TCF25: variants seen among roughly 807,000 people sequenced by gnomAD.
The protein encoded by TCF25 is ribosome quality control complex subunit TCF25.
A neutral mutation model predicts 83.1 loss-of-function variants in TCF25; 41 were observed. That is an observed-to-expected ratio of 0.49 (90% CI 0.38 to 0.64). The LOEUF is 0.64. TCF25 is among the 30% of genes least tolerant of loss of function. TCF25 has a pLI of 0.00. For synonymous variants in TCF25, 458 were observed against 365.0 expected, an observed-to-expected ratio of 1.25 and a Z score of -2.90; for missense variants, 979 against 914.5, an observed-to-expected ratio of 1.07 and a Z score of -0.91.
intron 5 of TCF25, among the ~76,000 whole-genome samples, chr16:89,891,687 C>T (rs1597322626): frequency 6.6e-6 from 1 of 152,174 alleles, no homozygotes; most frequent in Non-Finnish European, 1.5e-5. Context: ...TGGTTGGTTT[C>T]TTAAGTTGAG....
chr16:89,876,913 A>G (rs2042233105), intron 1 of TCF25, among the ~76,000 whole-genome samples: 1 of 135,316 alleles, frequency 7.4e-6, no homozygotes, highest in African/African-American at 2.9e-5. Flanking sequence ...TGGGCAACAG[A>G]GCGAGACTCC....
intron 16 of TCF25, among the ~76,000 whole-genome samples, chr16:89,908,427 CCAGTTCCCACCTCCTTCCTCG>C (rs1173638530): frequency 6.7e-6 from 1 of 149,964 alleles, no homozygotes; most frequent in Non-Finnish European, 1.5e-5. Flanking sequence ...CTCCCACCTT[CCAGTTCCCACCTCCTTCCTCG>C]CAGTTCCCAC....
chr16:89,893,263 C>T (rs1199313882), intron 6 of TCF25, among the ~76,000 whole-genome samples: 3 of 152,194 alleles, frequency 2.0e-5, no homozygotes, highest in Non-Finnish European at 4.4e-5. Flanking sequence ...AGAGGGTGGT[C>T]ACACGTTACA....
chr16:89,878,445 T>A, intron 1 of TCF25: 1 of 1,244,022 alleles, frequency 8.0e-7, no homozygotes, highest in Non-Finnish European at 1.0e-6. Context: ...TTTTTTTTTT[T>A]TTTTTTTTTT....
chr16:89,881,785 C>T (rs1458335299), intron 1 of TCF25, among the ~76,000 whole-genome samples: 3 of 151,862 alleles, frequency 2.0e-5, no homozygotes, highest in Non-Finnish European at 2.9e-5. Context: ...AATGGAATCT[C>T]GCCTTATCAC....
In TCF25 at chr16:89,883,319, C is replaced by T. The variant is rs563511279; in HGVS notation, c.193-32C>T. The stretch of plus-strand genomic sequence containing the variant: ...GCATGAGCGTTCACACTGTAAGTAA[C>T]GCCCTGGCTCTTCTCCAACCTGTTT... On this transcript the variant is annotated intron_variant, in intron 1 of 17. Coordinates refer to ENST00000263346, the MANE Select transcript of TCF25 (RefSeq NM_014972.3). 4.6e-5 allele frequency: 74 copies of T among 1,608,200 alleles called. No individual in the cohort carries two copies. In the East Asian group the frequency reaches 1.3e-3, roughly 28 times the overall value.
intron 1 of TCF25, among the ~76,000 whole-genome samples, chr16:89,880,010 C>A (rs2042486002): frequency 7.0e-6 from 1 of 142,472 alleles, no homozygotes; most frequent in South Asian, 2.3e-4. Context: ...TGTACACAGG[C>A]AGGCTCCTGA....
Position 89,885,475 on chromosome 16 carries a change from A to G in TCF25, c.430-373A>G, listed in dbSNP as rs143870123. On this transcript the variant is annotated intron_variant, in intron 3 of 17. Coordinates refer to ENST00000263346, the MANE Select transcript of TCF25 (RefSeq NM_014972.3). ...AGCTAGTCTGTCATCAGAAAAAAAT[A>G]TGTTTTCATCATTGCCCTTCGTCCT... Among the ~76,000 whole-genome samples the G allele has an allele frequency of 2.8e-3, 432 of 152,300 alleles. 3 individuals carry two copies. The highest frequency in any genetic ancestry group is 0.01 in the African/African-American group (417 of 41,566).
At chr16:89,899,566 TA>T (rs2044154338) in intron 11 of TCF25, among the ~76,000 whole-genome samples, 1 of 152,038 alleles carries the variant, frequency 6.6e-6, no homozygotes, top group African/African-American at 2.4e-5. Flanking sequence ...CTGTCTCTAC[TA>T]AAAATACAAA....
chr16:89,903,468 C>T (rs530289622), intron 12 of TCF25, among the ~76,000 whole-genome samples: 4 of 151,658 alleles, frequency 2.6e-5, no homozygotes, highest in South Asian at 2.1e-4. Flanking sequence ...CATAGGAGTT[C>T]GAGACCAGCC....
Position 89,904,976 on chromosome 16 carries a change from T to G in TCF25, c.1508T>G (p.Leu503Arg), listed in dbSNP as rs1327679857. 1.9e-6 allele frequency: 3 copies of G among 1,608,340 alleles called. No homozygotes were observed. In the African/African-American group the frequency reaches 4.0e-5, roughly 22 times the overall value. ...PALSQLVNLY[L>R]GRSHFLWKEP... ...CTGAGCCAGCTGGTGAACCTGTACCTTGGGAGGTCACACTTTCTCTGGAAA... is the reference window on the plus strand; with the variant it reads ...CTGAGCCAGCTGGTGAACCTGTACCGTGGGAGGTCACACTTTCTCTGGAAA... The change falls in exon 14 of 18, where the codon CTT becomes CGT. Residue 503 changes from leucine to arginine, a missense_variant. Leu to Arg is a moderately radical substitution (Grantham distance 102). Coordinates refer to ENST00000263346, the MANE Select transcript of TCF25 (RefSeq NM_014972.3).
chr16:89,883,432 GGGAACAAA>G lies in TCF25; in HGVS notation c.279_286del (p.Asn93LysfsTer15). The stretch of plus-strand genomic sequence containing the variant: ...TGCGCTCACAGACGCTGTGGCACCA[GGGAACAAA>G]GGAAGGGGTCAGCGTGGAAACACAG... On this transcript the variant is annotated frameshift_variant, in exon 2 of 18. Coordinates refer to ENST00000263346, the MANE Select transcript of TCF25 (RefSeq NM_014972.3). LOFTEE classifies it high-confidence loss of function. The G allele has an allele frequency of 6.2e-7, 1 of 1,614,070 alleles. No individual in the cohort carries two copies. The highest frequency in any genetic ancestry group is 8.5e-7 in the Non-Finnish European group (1 of 1,180,030).
intron 11 of TCF25, 48 bp downstream of exon 11, chr16:89,898,920 C>T: frequency 7.0e-6 from 11 of 1,567,980 alleles, no homozygotes; most frequent in Non-Finnish European, 9.6e-6. Context: ...ACACCTGCTT[C>T]TCCTTCTGTT....
intron 1 of TCF25, among the ~76,000 whole-genome samples, chr16:89,875,585 TG>T (rs1288826402): frequency 7.1e-6 from 1 of 139,864 alleles, no homozygotes; most frequent in African/African-American, 2.7e-5. Context: ...TGCAGTGGCA[TG>T]ATCTCGGCTC....
At chr16:89,906,056 A>C in intron 14 of TCF25, 138 bp from the exon 15 acceptor site, 1 of 750,186 alleles carries the variant, frequency 1.3e-6, no homozygotes, top group South Asian at 1.7e-5. Flanking sequence ...CTCGAGAGTA[A>C]AGTGTACAGT....
intron 1 of TCF25, among the ~76,000 whole-genome samples, chr16:89,875,418 T>C (rs538571670): frequency 1.1e-4 from 17 of 152,254 alleles, no homozygotes; most frequent in Non-Finnish European, 2.2e-4. Context: ...TTAACTTCTT[T>C]AATTTCTGCG....
intron 15 of TCF25, 116 bp from the exon 16 acceptor site, chr16:89,907,127 T>C (rs1021673211): frequency 2.9e-6 from 3 of 1,023,866 alleles, no homozygotes; most frequent in East Asian, 2.4e-5. Context: ...ACTCTGTGGC[T>C]ATCTCTCAGC....
At chr16:89,877,033 T>C (rs1025385372) in intron 1 of TCF25, among the ~76,000 whole-genome samples, 5 of 144,874 alleles carry the variant, frequency 3.5e-5, no homozygotes, top group East Asian at 4.0e-4. Context: ...ACCCAGGAGG[T>C]GGAGGTTGCA....
Position 89,911,305 on chromosome 16 carries a change from C to T in TCF25, c.*67C>T, listed in dbSNP as rs751823860. ...CGATTTCTCTGTTGGTCGGAGTCGGCCAGTTGCCTGAAGTAGGGAAGCTGA... is the reference window on the plus strand; with the variant it reads ...CGATTTCTCTGTTGGTCGGAGTCGGTCAGTTGCCTGAAGTAGGGAAGCTGA... On this transcript the variant is annotated 3_prime_UTR_variant, in exon 18 of 18. Coordinates refer to ENST00000263346, the MANE Select transcript of TCF25 (RefSeq NM_014972.3). 195 of 1,588,566 alleles carry T rather than the reference C, an allele frequency of 1.2e-4. 2 individuals are homozygous for T. The highest frequency in any genetic ancestry group is 1.0e-4 in the Non-Finnish European group (116 of 1,163,696).
Sources: allele counts gnomAD v4.1 joint callset (sites outside exome capture counted in the v4.1 genomes callset), GRCh38; gene constraint gnomAD v4.1.1; transcripts MANE v1.5; gene names NCBI Gene and HGNC (gene_info 2026-07-23, HGNC 2026-07-21).